VSTM2L: variants seen among roughly 807,000 people sequenced by gnomAD.
The protein encoded by VSTM2L is V-set and transmembrane domain-containing protein 2-like protein.
A neutral mutation model predicts 19.9 loss-of-function variants in VSTM2L; 9 were observed. The ratio of observed to expected loss-of-function variants is 0.45; its 90% CI spans 0.27 to 0.79. VSTM2L has a LOEUF of 0.79. Among genes scored for constraint, VSTM2L ranks in the 30% least tolerant of loss-of-function variants. The probability of loss-of-function intolerance (pLI) is 0.15; values close to 1 mark genes in which losing one functional copy is unlikely to be tolerated. For missense variants in VSTM2L, 286 were observed against 295.5 expected, an observed-to-expected ratio of 0.97 and a Z score of 0.24; for synonymous variants, 127 against 133.8, an observed-to-expected ratio of 0.95 and a Z score of 0.35.
At chr20:37,906,480 C>T (rs1040835415) in intron 1 of VSTM2L, among the ~76,000 whole-genome samples, 1 of 152,198 alleles carries the variant, frequency 6.6e-6, no homozygotes, top group African/African-American at 2.4e-5. Flanking sequence ...GGAAAAGGTG[C>T]AAGCATTGAT....
chr20:37,931,722 C>A lies in VSTM2L; in HGVS notation c.209C>A (p.Pro70His). 1 of 1,613,836 alleles carries A rather than the reference C, an allele frequency of 6.2e-7. No homozygotes were observed. The highest frequency in any genetic ancestry group is 1.1e-5 in the South Asian group (1 of 91,084). Reference protein sequence around the residue: ...MACSFRGSGSPSYSLEIQWWY... With the variant: ...MACSFRGSGSHSYSLEIQWWY... The stretch of plus-strand genomic sequence containing the variant: ...TGCTCCTTCCGCGGCAGCGGCTCCC[C>A]CTCCTACTCGCTGGAGATCCAGTGG... Residue 70 changes from proline to histidine, a missense_variant, in exon 2 of 4, where the codon CCC (proline) becomes CAC (histidine). By Grantham distance (77) the Pro-to-His change is moderately conservative. Coordinates refer to ENST00000373461, the MANE Select transcript of VSTM2L (RefSeq NM_080607.3).
intron 3 of VSTM2L, among the ~76,000 whole-genome samples, chr20:37,934,807 G>A (rs937179883): frequency 3.3e-5 from 5 of 152,148 alleles, no homozygotes; most frequent in Admixed American, 3.3e-4. Flanking sequence ...CCCTTCAGGC[G>A]GGAGGGGGTG....
chr20:37,925,541 T>A (rs2072874997), intron 1 of VSTM2L, among the ~76,000 whole-genome samples: 1 of 151,530 alleles, frequency 6.6e-6, no homozygotes, highest in Admixed American at 6.6e-5. Context: ...GGGGTGGAGG[T>A]CGGGACAGGC....
At chr20:37,919,334 C>G (rs1405925751) in intron 1 of VSTM2L, among the ~76,000 whole-genome samples, 1 of 152,226 alleles carries the variant, frequency 6.6e-6, no homozygotes, top group African/African-American at 2.4e-5. Context: ...ACCTCCATTC[C>G]TCCTGCCGCA....
intron 3 of VSTM2L, among the ~76,000 whole-genome samples, chr20:37,939,519 A>G (rs192634586): frequency 6.6e-6 from 1 of 152,306 alleles, no homozygotes; most frequent in Admixed American, 6.5e-5. Context: ...AACATTAGCC[A>G]CTGGCACTAC....
At chr20:37,938,525 C>T (rs745692412) in intron 3 of VSTM2L, among the ~76,000 whole-genome samples, 2 of 152,198 alleles carry the variant, frequency 1.3e-5, no homozygotes, top group African/African-American at 2.4e-5. Flanking sequence ...ATTCTTCTGG[C>T]GTGGCTGGAA....
chr20:37,932,955 C>G (rs1568841541), intron 2 of VSTM2L, among the ~76,000 whole-genome samples: 2 of 152,266 alleles, frequency 1.3e-5, no homozygotes, highest in African/African-American at 4.8e-5. Flanking sequence ...CAAACTTTGT[C>G]TTGCTCCTGG....
chr20:37,913,618 G>A (rs1379616223), intron 1 of VSTM2L, among the ~76,000 whole-genome samples: 6 of 152,238 alleles, frequency 3.9e-5, no homozygotes, highest in Non-Finnish European at 2.9e-5. Context: ...TCTCTAGAGG[G>A]AGCTCACTGT....
chr20:37,911,679 TG>T (rs1164617525), intron 1 of VSTM2L, among the ~76,000 whole-genome samples: 2 of 151,848 alleles, frequency 1.3e-5, no homozygotes, highest in Non-Finnish European at 2.9e-5. Context: ...GGAGAGGGGC[TG>T]GGGTAATGCT....
chr20:37,913,129 G>A (rs2122940945), intron 1 of VSTM2L, among the ~76,000 whole-genome samples: 1 of 152,318 alleles, frequency 6.6e-6, no homozygotes, highest in Non-Finnish European at 1.5e-5. Context: ...ATGAATGAGT[G>A]AGTGACCAAA....
intron 3 of VSTM2L, 49 bp from the exon 4 acceptor site, chr20:37,943,932 C>T (rs1452809066): frequency 7.2e-6 from 3 of 419,530 alleles, no homozygotes; most frequent in African/African-American, 2.7e-5. Flanking sequence ...CTCTTCTTCT[C>T]CCCCACTGTC....
intron 1 of VSTM2L, among the ~76,000 whole-genome samples, chr20:37,926,748 G>A (rs895117687): frequency 6.6e-6 from 1 of 152,164 alleles, no homozygotes; most frequent in Non-Finnish European, 1.5e-5. Context: ...GCCGTGGAAG[G>A]GTTACTCCCT....
In VSTM2L at chr20:37,944,167, C is replaced by T; in HGVS notation, c.529C>T (p.Pro177Ser). 1 of 1,557,492 alleles carries T rather than the reference C, an allele frequency of 6.4e-7. No homozygotes were observed. Among genetic ancestry groups the T allele is most frequent in the East Asian group, 2.4e-5 (1 of 41,598 alleles). ...ENSVLHLPEA[P>S]PAAPAPPPPK... ...CTCCGTCCTGCATCTGCCCGAAGCC[C>T]CTCCCGCCGCGCCCGCCCCGCCGCC... Residue 177 changes from proline to serine, a missense_variant, in exon 4 of 4, where the codon CCT (proline) becomes TCT (serine). By Grantham distance (74) the Pro-to-Ser change is moderately conservative (BLOSUM62 -1). Coordinates refer to ENST00000373461, the MANE Select transcript of VSTM2L (RefSeq NM_080607.3).
intron 1 of VSTM2L, among the ~76,000 whole-genome samples, chr20:37,918,296 G>C (rs2072831461): frequency 6.6e-6 from 1 of 152,194 alleles, no homozygotes; most frequent in Admixed American, 6.5e-5. Flanking sequence ...GCCAGGGCTG[G>C]TGCTGGGTGC....
At chr20:37,937,842 G>T (rs2072949246) in intron 3 of VSTM2L, among the ~76,000 whole-genome samples, 1 of 152,240 alleles carries the variant, frequency 6.6e-6, no homozygotes, top group South Asian at 2.1e-4. Flanking sequence ...TGGGGGGCCA[G>T]GAGGGCTTCC....
intron 3 of VSTM2L, among the ~76,000 whole-genome samples, chr20:37,940,339 A>T (rs2072964976): frequency 1.3e-5 from 2 of 152,216 alleles, no homozygotes; most frequent in African/African-American, 4.8e-5. Context: ...AGGGTTTCCC[A>T]CTGCTTGCCA....
At chr20:37,937,302 G>A (rs140573959) in intron 3 of VSTM2L, among the ~76,000 whole-genome samples, 16 of 152,208 alleles carry the variant, frequency 1.1e-4, no homozygotes, top group African/African-American at 3.6e-4. Flanking sequence ...GAGCCATGAC[G>A]AGCACTTTAT....
At chr20:37,931,075 G>A (rs2072906264) in intron 1 of VSTM2L, among the ~76,000 whole-genome samples, 1 of 152,198 alleles carries the variant, frequency 6.6e-6, no homozygotes, top group Admixed American at 6.5e-5. Flanking sequence ...AGGCCAGAAA[G>A]GGAGGCGTGT....
chr20:37,938,405 G>T (rs1271236803), intron 3 of VSTM2L, among the ~76,000 whole-genome samples: 1 of 152,192 alleles, frequency 6.6e-6, no homozygotes, highest in Non-Finnish European at 1.5e-5. Flanking sequence ...GGCCCAGCCT[G>T]GGGCAGGAGG....
Sources: gnomAD v4.1 joint callset for allele counts (sites outside exome capture counted in the v4.1 genomes callset) on GRCh38, gnomAD v4.1.1 for gene constraint, MANE v1.5 for transcripts, NCBI Gene and HGNC (gene_info 2026-07-23, HGNC 2026-07-21) for gene names.